The following ABR variants were observed in gnomAD, a reference collection of about 807,000 sequenced individuals.
The protein encoded by ABR is active breakpoint cluster region-related protein.
A neutral mutation model predicts 107.2 loss-of-function variants in ABR; 35 were observed. The ratio of observed to expected loss-of-function variants is 0.33; its 90% CI spans 0.25 to 0.43. ABR has a LOEUF of 0.43. ABR is among the 20% of genes least tolerant of loss of function. The pLI is 1.00. For synonymous variants in ABR, 498 were observed against 462.0 expected (o/e 1.08, Z -1.00); for missense variants, 815 against 1,115.2 (o/e 0.73, Z 3.83).
chr17:1,209,847 A>G (rs1393816286), intron 1 of ABR, among the ~76,000 whole-genome samples: 1 of 152,188 alleles, frequency 6.6e-6, no homozygotes, highest in African/African-American at 2.4e-5. Context: ...AATTTTCTGC[A>G]GCAATTCTTT....
At chr17:1,026,192 G>C (rs2072179188) in intron 16 of ABR, among the ~76,000 whole-genome samples, 2 of 152,256 alleles carry the variant, frequency 1.3e-5, no homozygotes, top group Admixed American at 6.5e-5. Flanking sequence ...GAACCAGAGA[G>C]GCAAAGGGAT....
intron 1 of ABR, among the ~76,000 whole-genome samples, chr17:1,146,201 G>A (rs2040514879): frequency 6.6e-6 from 1 of 151,726 alleles, no homozygotes; most frequent in Non-Finnish European, 1.5e-5. Context: ...CGGAGCTGGG[G>A]AAGGGCAAAA....
rs548883985 is a variant in ABR, at chr17:1,171,368, GC to G, written c.61+8298del. On this transcript the variant is annotated intron_variant, in intron 1 of 22. Coordinates refer to ENST00000302538, the MANE Select transcript of ABR (RefSeq NM_021962.5). ...ATGATGGCCACATCCTTCCCCAACA[GC>G]CCCGAGTAAGCCCACAGATCCCTGC... 2.3e-3 allele frequency among the ~76,000 whole-genome samples: 355 copies of G among 152,272 alleles called. 1 individual carries two copies. The highest frequency in any genetic ancestry group is 0.01 in the Middle Eastern group (3 of 294).
chr17:1,015,764 T>C (rs1402904693), intron 16 of ABR, among the ~76,000 whole-genome samples: 2 of 152,216 alleles, frequency 1.3e-5, no homozygotes, highest in Admixed American at 1.3e-4. Context: ...GGCCTCATTA[T>C]ACATTTTAAT....
At chr17:1,222,965 T>G (rs9908020) in intron 1 of ABR, among the ~76,000 whole-genome samples, 91,412 of 151,308 alleles carry the variant, frequency 0.6, 28,816 homozygotes, top group African/African-American at 0.78. Flanking sequence ...ACTTTGGGAG[T>G]CCGAGTCAGG....
intron 1 of ABR, among the ~76,000 whole-genome samples, chr17:1,172,402 G>A (rs913555586): frequency 5.9e-5 from 9 of 152,162 alleles, no homozygotes; most frequent in Non-Finnish European, 8.8e-5. Flanking sequence ...GAACATTCCC[G>A]CTGCTCCCAG....
chr17:1,099,683 A>T (rs2037735384), intron 3 of ABR, among the ~76,000 whole-genome samples: 1 of 152,104 alleles, frequency 6.6e-6, no homozygotes, highest in South Asian at 2.1e-4. Flanking sequence ...ACCACCTCAC[A>T]TCTGTGTAGT....
chr17:1,219,436 C>A (rs2043075238), intron 1 of ABR, among the ~76,000 whole-genome samples: 1 of 151,442 alleles, frequency 6.6e-6, no homozygotes, highest in East Asian at 2.0e-4. Flanking sequence ...AATGAACCAT[C>A]CTGTAAGGCT....
chr17:1,192,583 C>G (rs2042458310), intron 1 of ABR, among the ~76,000 whole-genome samples: 1 of 151,696 alleles, frequency 6.6e-6, no homozygotes. Context: ...TCAAGACCAG[C>G]CTGGCCAACA....
At chr17:1,059,703 C>T (rs1482069652) in intron 10 of ABR, among the ~76,000 whole-genome samples, 1 of 152,222 alleles carries the variant, frequency 6.6e-6, no homozygotes, top group Non-Finnish European at 1.5e-5. Context: ...TCGTAAAGGA[C>T]CCCCTCCCTT....
At chr17:1,143,844 G>C (rs1200637869) in intron 1 of ABR, among the ~76,000 whole-genome samples, 2 of 152,150 alleles carry the variant, frequency 1.3e-5, no homozygotes, top group Admixed American at 6.5e-5. Context: ...GCCCTGGGCA[G>C]AGAAGCGCAT....
At chr17:1,065,642 G>A (rs2034637522) in intron 10 of ABR, among the ~76,000 whole-genome samples, 2 of 151,790 alleles carry the variant, frequency 1.3e-5, no homozygotes, top group Admixed American at 1.3e-4. Flanking sequence ...GTACTGGTAT[G>A]TAGTACACTC....
At chr17:1,149,196 C>T (rs978529362) in intron 1 of ABR, among the ~76,000 whole-genome samples, 3 of 151,958 alleles carry the variant, frequency 2.0e-5, no homozygotes, top group African/African-American at 7.3e-5. Context: ...AGCTACCTAG[C>T]GCCCGGCCTA....
At chr17:1,224,712 T>A (rs977279384) in intron 1 of ABR, among the ~76,000 whole-genome samples, 12 of 152,282 alleles carry the variant, frequency 7.9e-5, no homozygotes, top group African/African-American at 2.9e-4. Context: ...ACTCGCTCTG[T>A]CACCCAGGCT....
chr17:1,065,809 A>G (rs990065863), intron 10 of ABR, among the ~76,000 whole-genome samples: 2 of 143,380 alleles, frequency 1.4e-5, no homozygotes, highest in African/African-American at 2.6e-5. Flanking sequence ...GCAGCAGCGG[A>G]ATCTCAGCTC....
chr17:1,124,238 G>A (rs557139539), intron 2 of ABR, among the ~76,000 whole-genome samples: 6 of 152,228 alleles, frequency 3.9e-5, no homozygotes, highest in South Asian at 4.1e-4. Flanking sequence ...CAGCTGGGGT[G>A]GGGGGGCACT....
intron 10 of ABR, among the ~76,000 whole-genome samples, chr17:1,062,070 G>A (rs543200757): frequency 2.6e-5 from 4 of 152,298 alleles, no homozygotes; most frequent in East Asian, 3.9e-4. Flanking sequence ...AAGCTTCCCA[G>A]GGGTGGTGAG....
intron 2 of ABR, among the ~76,000 whole-genome samples, chr17:1,121,257 C>T (rs1385534441): frequency 2.0e-5 from 3 of 152,260 alleles, no homozygotes; most frequent in Non-Finnish European, 2.9e-5. Context: ...GTCCTGCCAA[C>T]ACCGCAGAGA....
At chr17:1,116,564 G>A (rs1389744268) in intron 2 of ABR, among the ~76,000 whole-genome samples, 2 of 152,172 alleles carry the variant, frequency 1.3e-5, no homozygotes, top group Non-Finnish European at 2.9e-5. Context: ...ATGCAGAGGT[G>A]AGCAAGATCC....
Sources: allele counts gnomAD v4.1 joint callset (sites outside exome capture counted in the v4.1 genomes callset), GRCh38; gene constraint gnomAD v4.1.1; transcripts MANE v1.5; gene names NCBI Gene and HGNC (gene_info 2026-07-23, HGNC 2026-07-21).